Variants in DNAAF5 observed in about 807,000 individuals in gnomAD.
The protein encoded by DNAAF5 is HEAT repeat containing 2.
Under a neutral mutation model 75.8 loss-of-function variants are expected in DNAAF5, and 64 were observed. That is an observed-to-expected ratio of 0.84 (90% CI 0.69 to 1.04). The LOEUF is 1.04. DNAAF5 is among the 50% of genes least tolerant of loss of function. DNAAF5 has a pLI of 0.00. For synonymous variants in DNAAF5, 657 were observed against 557.2 expected, an observed-to-expected ratio of 1.18 and a Z score of -2.52; for missense variants, 1,269 against 1,178.5, an observed-to-expected ratio of 1.08 and a Z score of -1.12.
intron 8 of DNAAF5, 119 bp downstream of exon 8, chr7:764,093 G>A: frequency 9.5e-7 from 1 of 1,052,616 alleles, no homozygotes; most frequent in South Asian, 1.5e-5. Flanking sequence ...ACTGAAGCGT[G>A]TTGTTAAAAG....
chr7:759,001 G>A (rs2128079499), intron 6 of DNAAF5, among the ~76,000 whole-genome samples: 1 of 152,190 alleles, frequency 6.6e-6, no homozygotes. Flanking sequence ...CTCCTTAACA[G>A]ACTTAAATTT....
chr7:783,657 C>T (rs547531007), intron 12 of DNAAF5, among the ~76,000 whole-genome samples: 1 of 152,342 alleles, frequency 6.6e-6, no homozygotes, highest in Non-Finnish European at 1.5e-5. Flanking sequence ...AAAAGGAGGA[C>T]AGCAGCTCAC....
At chr7:736,171 G>A (rs1781734953) in intron 2 of DNAAF5, among the ~76,000 whole-genome samples, 1 of 152,226 alleles carries the variant, frequency 6.6e-6, no homozygotes, top group Non-Finnish European at 1.5e-5. Context: ...GGAGAAGAAT[G>A]TGTATTCTGT....
intron 4 of DNAAF5, among the ~76,000 whole-genome samples, chr7:745,650 T>C (rs1289988497): frequency 6.6e-6 from 1 of 151,862 alleles, no homozygotes; most frequent in Non-Finnish European, 1.5e-5. Flanking sequence ...CTCACACACG[T>C]ACACACTTAT....
In DNAAF5 at chr7:763,915, T is replaced by C. The variant is rs1782742806; in HGVS notation, c.1724T>C (p.Leu575Pro). The change falls in exon 8 of 13, where the codon CTT becomes CCT. Residue 575 changes from leucine (L) to proline (P), a missense_variant. Physicochemically the swap from Leu to Pro is moderately conservative, Grantham distance 98 (BLOSUM62 -3). Coordinates refer to ENST00000297440, the MANE Select transcript of DNAAF5 (RefSeq NM_017802.4). ...PLLERVTASH[L>P]DWTAHSPELL... ...CTGGAGCGGGTGACCGCGTCGCACC[T>C]TGACTGGACCGCACACTCGCCGGAG... is the stretch of plus-strand genomic sequence containing the variant. 1 of 1,611,476 alleles carries C rather than the reference T, an allele frequency of 6.2e-7. No individual in the cohort carries two copies. Among genetic ancestry groups the C allele is most frequent in the Non-Finnish European group, 8.5e-7 (1 of 1,180,028 alleles).
At chr7:769,982 C>T (rs1443459302) in intron 8 of DNAAF5, among the ~76,000 whole-genome samples, 1 of 151,868 alleles carries the variant, frequency 6.6e-6, no homozygotes, top group Admixed American at 6.6e-5. Context: ...GACATAGTCT[C>T]ACTTTGTCAC....
In DNAAF5 at chr7:774,100, C is replaced by T. The variant is rs113233269; in HGVS notation, c.1984C>T (p.Leu662=). Residue 662 remains leucine, a synonymous_variant, in exon 10 of 13, where the codon CTG becomes TTG. Transcript: ENST00000297440. ...GACAAAGGACATCCTGGCCCCCAAT[C>T]TGCAGTGGCATGCGGGGAGGACAGC... ...TVTKDILAPN[L]QWHAGRTAAA... The T allele has an allele frequency of 6.2e-7, 1 of 1,613,824 alleles. No individual in the cohort carries two copies. The highest frequency in any genetic ancestry group is 8.5e-7 in the Non-Finnish European group (1 of 1,180,004).
intron 4 of DNAAF5, among the ~76,000 whole-genome samples, chr7:745,475 T>G (rs891141370): frequency 6.6e-6 from 1 of 152,180 alleles, no homozygotes; most frequent in African/African-American, 2.4e-5. Context: ...CACACACACC[T>G]GTGCACACAT....
chr7:734,135 G>T (rs1442264316), intron 2 of DNAAF5, among the ~76,000 whole-genome samples: 1 of 152,116 alleles, frequency 6.6e-6, no homozygotes, highest in African/African-American at 2.4e-5. Context: ...TTCCAGTACT[G>T]TGTTAACTAA....
chr7:732,266 G>A (rs950714179), intron 2 of DNAAF5, among the ~76,000 whole-genome samples: 3 of 152,248 alleles, frequency 2.0e-5, no homozygotes, highest in Non-Finnish European at 2.9e-5. Context: ...TCACATGACT[G>A]CAGCTCCGAG....
intron 9 of DNAAF5, chr7:772,376 G>A (rs1019336519): frequency 6.6e-6 from 1 of 152,206 alleles, no homozygotes; most frequent in African/African-American, 2.4e-5. Context: ...GCTCAGATAT[G>A]GTCAGACCCT....
chr7:730,582 G>T (rs1781532403), intron 2 of DNAAF5, among the ~76,000 whole-genome samples: 1 of 152,198 alleles, frequency 6.6e-6, no homozygotes, highest in African/African-American at 2.4e-5. Context: ...GTCACTCGGG[G>T]TATTCTGGGG....
chr7:773,958 C>T (rs944936858), intron 9 of DNAAF5, 90 bp from the exon 10 acceptor site: 11 of 1,460,278 alleles, frequency 7.5e-6, no homozygotes, highest in East Asian at 2.3e-5. Flanking sequence ...CTGTTTGGCT[C>T]CCCCCTCAGC....
intron 2 of DNAAF5, among the ~76,000 whole-genome samples, chr7:740,599 C>G (rs1583481864): frequency 6.6e-6 from 1 of 152,238 alleles, no homozygotes; most frequent in East Asian, 1.9e-4. Flanking sequence ...CCAGGAGGGA[C>G]TGGCGGAGCT....
Position 726,902 on chromosome 7 carries a change from G to A in DNAAF5, c.182G>A (p.Gly61Asp). ...EALRRALEEP[G>D]PAADPTAFQG... ...CTGCGGCGCGCGCTGGAGGAGCCAGGCCCTGCCGCCGACCCCACCGCTTTC... is the reference window on the plus strand; with the variant it reads ...CTGCGGCGCGCGCTGGAGGAGCCAGACCCTGCCGCCGACCCCACCGCTTTC... Residue 61 changes from glycine (G) to aspartate (D), a missense_variant, in exon 1 of 13, where the codon GGC (glycine) becomes GAC (aspartate). Coordinates refer to ENST00000297440, the MANE Select transcript of DNAAF5 (RefSeq NM_017802.4). 7.4e-7 allele frequency: 1 copy of A among 1,345,392 alleles called. No homozygotes were observed. Among genetic ancestry groups the A allele is most frequent in the Non-Finnish European group, 9.5e-7 (1 of 1,047,896 alleles). 83.3% of individuals were successfully genotyped at this position (1,345,392 alleles called of 1,614,324 possible).
chr7:783,965 G>A (rs1424732879), intron 12 of DNAAF5, among the ~76,000 whole-genome samples: 1 of 151,440 alleles, frequency 6.6e-6, no homozygotes, highest in Admixed American at 6.6e-5. Context: ...GCACGGTACA[G>A]GCCATTCTTT....
At chr7:747,358 C>T (rs1166241224) in intron 4 of DNAAF5, among the ~76,000 whole-genome samples, 1 of 151,490 alleles carries the variant, frequency 6.6e-6, no homozygotes, top group Non-Finnish European at 1.5e-5. Context: ...TGTTGACACA[C>T]GGTATTGGGG....
intron 2 of DNAAF5, among the ~76,000 whole-genome samples, chr7:730,619 C>G (rs1020370180): frequency 2.0e-5 from 3 of 152,198 alleles, no homozygotes; most frequent in African/African-American, 4.8e-5. Flanking sequence ...GACTCGCTCC[C>G]TCGTCTGTGC....
At chr7:768,709 T>C in intron 8 of DNAAF5, 1 of 164,134 alleles carries the variant, frequency 6.1e-6, no homozygotes, top group South Asian at 1.7e-4. Flanking sequence ...GGCAGACACG[T>C]GGCCCAGGCG....
Sources: gnomAD v4.1 joint callset for allele counts (sites outside exome capture counted in the v4.1 genomes callset) on GRCh38, gnomAD v4.1.1 for gene constraint, MANE v1.5 for transcripts, NCBI Gene and HGNC (gene_info 2026-07-23, HGNC 2026-07-21) for gene names.